The following ABCA13 variants were observed in gnomAD, a reference collection of about 807,000 sequenced individuals.
ABCA13 encodes the protein ATP binding cassette subfamily A member 13, also known as ATP-binding cassette sub-family A member 13.
In ABCA13, 476 loss-of-function variants were observed where a neutral mutation model predicts 478.7. That is an observed-to-expected ratio of 0.99 (90% CI 0.92 to 1.07). The LOEUF (loss-of-function observed/expected upper bound fraction) is 1.07. ABCA13 is among the 50% of genes least tolerant of loss of function. ABCA13 has a pLI of 0.00. For synonymous variants in ABCA13, 2,252 were observed against 2,158.9 expected, an observed-to-expected ratio of 1.04 and a Z score of -1.20; for missense variants, 6,060 against 5,910.6, an observed-to-expected ratio of 1.03 and a Z score of -0.83.
intron 19 of ABCA13, among the ~76,000 whole-genome samples, chr7:48,287,243 G>A (rs576334125): frequency 2.6e-5 from 4 of 152,318 alleles, no homozygotes; most frequent in South Asian, 4.1e-4. Context: ...CTGAGGCTGC[G>A]GAAAGACATT....
intron 5 of ABCA13, among the ~76,000 whole-genome samples, chr7:48,223,439 CAAG>C (rs1292361945): frequency 6.6e-6 from 1 of 151,938 alleles, no homozygotes; most frequent in Non-Finnish European, 1.5e-5. Context: ...GAGTATCAGG[CAAG>C]GAGGAGGAAG....
intron 34 of ABCA13, among the ~76,000 whole-genome samples, chr7:48,375,983 A>T (rs1813415889): frequency 6.6e-6 from 1 of 152,172 alleles, no homozygotes. Context: ...CCAGAAATAA[A>T]TCACAAACCT....
intron 26 of ABCA13, 108 bp from the exon 27 acceptor site, chr7:48,317,049 T>TA: frequency 7.4e-7 from 1 of 1,357,284 alleles, no homozygotes; most frequent in African/African-American, 1.5e-5. Context: ...CAGAAAAAAA[T>TA]ATGGCTGTCA....
At chr7:48,484,073 G>A (rs56093045) in intron 47 of ABCA13, among the ~76,000 whole-genome samples, 10,080 of 152,230 alleles carry the variant, frequency 0.066, 412 homozygotes, top group African/African-American at 0.11. Context: ...CTGTAGTGGG[G>A]ACTTGCATGG....
intron 34 of ABCA13, 108 bp from the exon 35 acceptor site, chr7:48,376,333 G>T: frequency 7.3e-7 from 1 of 1,377,346 alleles, no homozygotes; most frequent in Admixed American, 2.3e-5. Flanking sequence ...TTTTGTTTTA[G>T]TTCTGTTCAA....
At chr7:48,417,171 C>T (rs1429123790) in intron 41 of ABCA13, among the ~76,000 whole-genome samples, 1 of 152,214 alleles carries the variant, frequency 6.6e-6, no homozygotes, top group African/African-American at 2.4e-5. Context: ...TTTCCATAGA[C>T]TGATTCCTAG....
At chr7:48,293,559 ATAAAG>A (rs1798888332) in intron 20 of ABCA13, among the ~76,000 whole-genome samples, 1 of 152,250 alleles carries the variant, frequency 6.6e-6, no homozygotes, top group Non-Finnish European at 1.5e-5. Context: ...ATGATGTAAA[ATAAAG>A]TATTTATGGT....
chr7:48,616,862 C>T (rs886879354), intron 59 of ABCA13, among the ~76,000 whole-genome samples: 3 of 151,944 alleles, frequency 2.0e-5, no homozygotes, highest in Admixed American at 6.6e-5. Context: ...TCCTACAAAA[C>T]ATTTTTTAAA....
chr7:48,467,621 A>C (rs1403221341), intron 44 of ABCA13, among the ~76,000 whole-genome samples: 1 of 152,162 alleles, frequency 6.6e-6, no homozygotes, highest in Non-Finnish European at 1.5e-5. Flanking sequence ...TTATATATTG[A>C]AGATCTACTA....
intron 35 of ABCA13, among the ~76,000 whole-genome samples, chr7:48,381,376 C>T (rs549520152): frequency 6.6e-6 from 1 of 151,908 alleles, no homozygotes; most frequent in South Asian, 2.1e-4. Context: ...CACATACACA[C>T]ACACACACAC....
At chr7:48,177,796 AG>A (rs1402584352) in intron 1 of ABCA13, among the ~76,000 whole-genome samples, 1 of 152,218 alleles carries the variant, frequency 6.6e-6, no homozygotes, top group Non-Finnish European at 1.5e-5. Context: ...CTAGATGAGA[AG>A]ATAAAGTTGA....
chr7:48,565,213 G>C (rs1786908067), intron 55 of ABCA13, among the ~76,000 whole-genome samples: 1 of 95,756 alleles, frequency 1.0e-5, no homozygotes, highest in South Asian at 3.3e-4. Flanking sequence ...AATTTAATGA[G>C]CTTTTTTTTT....
At chr7:48,293,355 A>G (rs1798859577) in intron 20 of ABCA13, among the ~76,000 whole-genome samples, 1 of 152,196 alleles carries the variant, frequency 6.6e-6, no homozygotes. Context: ...TGAATGATTC[A>G]TGATTTTCCT....
At chr7:48,306,572 G>GA (rs1800933610) in intron 23 of ABCA13, among the ~76,000 whole-genome samples, 1 of 152,166 alleles carries the variant, frequency 6.6e-6, no homozygotes, top group Admixed American at 6.5e-5. Flanking sequence ...CTCCTCCTGA[G>GA]AGCTTCCCCT....
At chr7:48,460,954 T>C (rs1467948803) in intron 43 of ABCA13, among the ~76,000 whole-genome samples, 1 of 152,258 alleles carries the variant, frequency 6.6e-6, no homozygotes, top group Non-Finnish European at 1.5e-5. Flanking sequence ...TCTTCAATTA[T>C]TTATATTCTT....
At chr7:48,471,652 A>G (rs1827510893) in intron 45 of ABCA13, 53 bp downstream of exon 45, 1 of 1,469,304 alleles carries the variant, frequency 6.8e-7, no homozygotes, top group African/African-American at 1.4e-5. Context: ...CAAGTGACAA[A>G]AATGAGTTTA....
intron 15 of ABCA13, among the ~76,000 whole-genome samples, chr7:48,249,799 C>A (rs1792260839): frequency 6.6e-6 from 1 of 152,210 alleles, no homozygotes. Context: ...CTCAACACTT[C>A]CAACACTGCT....
intron 55 of ABCA13, among the ~76,000 whole-genome samples, chr7:48,528,762 T>C (rs1833039024): frequency 6.6e-6 from 1 of 152,140 alleles, no homozygotes; most frequent in Admixed American, 6.5e-5. Context: ...CCACCCAGAC[T>C]TCCTCTTTCA....
chr7:48,390,495 G>C (rs1024774755), intron 37 of ABCA13, among the ~76,000 whole-genome samples: 1 of 152,166 alleles, frequency 6.6e-6, no homozygotes. Context: ...TTTTTGTGCA[G>C]TAAACAGTAT....
Sources: gnomAD v4.1 joint callset for allele counts (sites outside exome capture counted in the v4.1 genomes callset) on GRCh38, gnomAD v4.1.1 for gene constraint, MANE v1.5 for transcripts, NCBI Gene and HGNC (gene_info 2026-07-23, HGNC 2026-07-21) for gene names.